The following JHY variants were observed in gnomAD, a reference collection of about 807,000 sequenced individuals.
JHY encodes the protein junctional cadherin complex regulator, also known as jhy protein homolog.
A neutral mutation model predicts 78.0 loss-of-function variants in JHY; 69 were observed. The observed-to-expected ratio is 0.88, with a 90% confidence interval of 0.73 to 1.08. The LOEUF (loss-of-function observed/expected upper bound fraction) is 1.08. Ranked by LOEUF, JHY falls within the 50% of genes least tolerant of loss-of-function variation. The pLI, the probability that JHY is intolerant of heterozygous loss-of-function variation, is 0.00. For synonymous variants in JHY, 368 were observed against 342.6 expected (o/e 1.07, Z -0.82); for missense variants, 944 against 927.8 (o/e 1.02, Z -0.23).
At chr11:122,910,370 G>A (rs573706430) in intron 3 of JHY, among the ~76,000 whole-genome samples, 1 of 151,826 alleles carries the variant, frequency 6.6e-6, no homozygotes, top group Non-Finnish European at 1.5e-5. Context: ...AGCTACTCGG[G>A]AAGCCCATGA....
At chr11:122,924,827 G>T in intron 3 of JHY, 70 bp from the exon 4 acceptor site, 2 of 1,251,096 alleles carry the variant, frequency 1.6e-6, no homozygotes, top group Non-Finnish European at 2.3e-6. Context: ...AGAGTGCACA[G>T]ACTTGAGTCC....
Position 122,885,910 on chromosome 11 carries a change from T to C in JHY, c.61T>C (p.Leu21=). The part of the protein sequence containing the change: ...SIQSPVLHTN[L]NVQSTHPPLK... ...TCAATCTCCTGTCCTTCATACCAAC[T>C]TAAATGTCCAGTCCACACACCCACC... Residue 21 remains leucine, a synonymous_variant, in exon 2 of 9, where the codon TTA becomes CTA. Coordinates refer to ENST00000227349, the MANE Select transcript of JHY (RefSeq NM_024806.4). The C allele has an allele frequency of 6.2e-7, 1 of 1,614,134 alleles. No homozygotes were observed. Among genetic ancestry groups the C allele is most frequent in the African/African-American group, 1.3e-5 (1 of 75,028 alleles).
intron 3 of JHY, among the ~76,000 whole-genome samples, chr11:122,922,560 C>T (rs540728948): frequency 3.0e-4 from 45 of 150,480 alleles, no homozygotes; most frequent in African/African-American, 1.1e-3. Context: ...GCCTGTAATC[C>T]CAGCACTTTG....
chr11:122,901,961 C>T (rs918380385), intron 2 of JHY, among the ~76,000 whole-genome samples: 3 of 151,818 alleles, frequency 2.0e-5, no homozygotes, highest in Non-Finnish European at 4.4e-5. Context: ...ACACAGGGTT[C>T]GAATCATCAA....
chr11:122,907,323 C>T (rs1364675303), intron 3 of JHY, among the ~76,000 whole-genome samples: 1 of 151,954 alleles, frequency 6.6e-6, no homozygotes, highest in African/African-American at 2.4e-5. Flanking sequence ...TATATGTTCC[C>T]TATGGGTAGG....
At position 122,962,721 on chromosome 11, in the gene JHY, A is replaced by G. The variant is rs1370984166; in HGVS notation, c.*3276A>G. Among the ~76,000 whole-genome samples, 1 of 152,174 alleles carries G rather than the reference A, an allele frequency of 6.6e-6. No individual in the cohort carries two copies. Among genetic ancestry groups the G allele is most frequent in the African/African-American group, 2.4e-5 (1 of 41,456 alleles). On this transcript the variant is annotated 3_prime_UTR_variant, in exon 9 of 9. Coordinates refer to ENST00000227349, the MANE Select transcript of JHY (RefSeq NM_024806.4). ...ATAGGGTAAAATTTTTAAATATTCC[A>G]TTTGTATTATCTTAAAATAGTTTAG...
intron 2 of JHY, among the ~76,000 whole-genome samples, chr11:122,892,443 C>T (rs571695442): frequency 6.6e-6 from 1 of 152,116 alleles, no homozygotes; most frequent in South Asian, 2.1e-4. Context: ...CTGCCTCAGC[C>T]TCCTGAGTAA....
chr11:122,916,692 C>T (rs1022543343), intron 3 of JHY, among the ~76,000 whole-genome samples: 3 of 152,068 alleles, frequency 2.0e-5, no homozygotes, highest in East Asian at 1.9e-4. Flanking sequence ...CAGGCTAGAG[C>T]GCCGTGGCAT....
rs140617281 is a variant in JHY, at chr11:122,954,951, G to A, written c.1930-1545G>A. On this transcript the variant is annotated intron_variant, in intron 6 of 8. Transcript: ENST00000227349. ...TGTGGCTGATTTTTCTCCATTTTAA[G>A]TAGTAACTTACGTGTGCCTTAAGAA... Among the ~76,000 whole-genome samples, 408 of 152,284 alleles carry A rather than the reference G, an allele frequency of 2.7e-3. 1 individual carries two copies. The highest frequency in any genetic ancestry group is 5.6e-3 in the Admixed American group (86 of 15,300).
intron 4 of JHY, chr11:122,927,025 G>A (rs908970262): frequency 6.6e-6 from 1 of 152,168 alleles, no homozygotes; most frequent in African/African-American, 2.4e-5. Flanking sequence ...TAAAATGATC[G>A]AGGTAAAAAG....
chr11:122,927,731 T>C (rs112001574), intron 4 of JHY, among the ~76,000 whole-genome samples: 5,831 of 142,560 alleles, frequency 0.041, 380 homozygotes, highest in African/African-American at 0.16. Flanking sequence ...CTTTTCTTTT[T>C]TCTTTTTTTT....
Position 122,924,945 on chromosome 11 carries a change from A to C in JHY, c.913A>C (p.Lys305Gln). 1 of 1,614,164 alleles carries C rather than the reference A, an allele frequency of 6.2e-7. No homozygotes were observed. The change falls in exon 4 of 9, where the codon AAG (lysine) becomes CAG (glutamine). Residue 305 changes from lysine (K) to glutamine (Q), a missense_variant. Coordinates refer to ENST00000227349, the MANE Select transcript of JHY (RefSeq NM_024806.4). ...AGACAAGACGTCTATTCAGAATGCCAAGGAAATGGAAAATGCTGCCATCGA... is the reference window on the plus strand; with the variant it reads ...AGACAAGACGTCTATTCAGAATGCCCAGGAAATGGAAAATGCTGCCATCGA... ...VTDKTSIQNA[K>Q]EMENAAIDPE... is the part of the protein sequence containing the mutation.
intron 3 of JHY, among the ~76,000 whole-genome samples, chr11:122,911,855 A>G (rs1863132955): frequency 8.0e-6 from 1 of 124,928 alleles, no homozygotes. Flanking sequence ...TGGTGAACTG[A>G]GATTGCGCCA....
intron 5 of JHY, among the ~76,000 whole-genome samples, chr11:122,943,167 G>A (rs113846490): frequency 7.2e-5 from 11 of 152,174 alleles, no homozygotes; most frequent in East Asian, 1.9e-4. Context: ...AAGCCACCTC[G>A]CTCAGCTAGT....
intron 8 of JHY, chr11:122,958,887 G>A: frequency 1.0e-6 from 1 of 985,048 alleles, no homozygotes; most frequent in East Asian, 1.1e-4. Flanking sequence ...GGATAGAAAG[G>A]TCTATTAATA....
intron 2 of JHY, among the ~76,000 whole-genome samples, chr11:122,902,169 T>C (rs1862874604): frequency 6.8e-6 from 1 of 148,148 alleles, no homozygotes; most frequent in African/African-American, 2.4e-5. Context: ...AAAAATATGG[T>C]GTAGTGGCTG....
intron 2 of JHY, among the ~76,000 whole-genome samples, chr11:122,892,189 G>A (rs1478103209): frequency 1.3e-5 from 2 of 151,802 alleles, no homozygotes; most frequent in Non-Finnish European, 1.5e-5. Context: ...TCCACAAAAG[G>A]GCCCATATTC....
intron 5 of JHY, among the ~76,000 whole-genome samples, chr11:122,946,246 TG>T (rs1318514415): frequency 1.3e-5 from 2 of 152,206 alleles, no homozygotes; most frequent in African/African-American, 2.4e-5. Flanking sequence ...TTTTTCAAAA[TG>T]GTGTTTTTTC....
At chr11:122,914,434 G>GT (rs1346044462) in intron 3 of JHY, among the ~76,000 whole-genome samples, 12 of 151,178 alleles carry the variant, frequency 7.9e-5, no homozygotes, top group Non-Finnish European at 1.6e-4. Context: ...GTTTTGTTTT[G>GT]TTTTTTTGTT....
Sources: gnomAD v4.1 joint callset for allele counts (sites outside exome capture counted in the v4.1 genomes callset) on GRCh38, gnomAD v4.1.1 for gene constraint, MANE v1.5 for transcripts, NCBI Gene and HGNC (gene_info 2026-07-23, HGNC 2026-07-21) for gene names.